OPRM1: variants seen among roughly 807,000 people sequenced by gnomAD.
The protein encoded by OPRM1 is mu-type opioid receptor.
Under a neutral mutation model 31.8 loss-of-function variants are expected in OPRM1, and 27 were observed. That is an observed-to-expected ratio of 0.85 (90% confidence interval 0.63 to 1.17). OPRM1 has a LOEUF of 1.17. Among genes scored for constraint, OPRM1 ranks in the 50% most tolerant of loss-of-function variants. The pLI is 0.00. For missense variants in OPRM1, 536 were observed against 511.1 expected, an observed-to-expected ratio of 1.05 and a Z score of -0.47; for synonymous variants, 196 against 189.9, an observed-to-expected ratio of 1.03 and a Z score of -0.26.
chr6:154,078,238 G>C (rs1188469021), intron 1 of OPRM1, among the ~76,000 whole-genome samples: 1 of 152,060 alleles, frequency 6.6e-6, no homozygotes, highest in Non-Finnish European at 1.5e-5. Context: ...TCACACTCTA[G>C]CCCTGTCCTC....
intron 3 of OPRM1, chr6:154,246,445 C>T (rs2128642676): frequency 1.1e-6 from 1 of 904,436 alleles, no homozygotes; most frequent in Non-Finnish European, 1.6e-6. Context: ...TCTACTGCAC[C>T]AGAAATGGCT....
chr6:154,126,597 C>T lies in OPRM1; in HGVS notation c.*7876C>T, dbSNP rs1035137229. 6.6e-6 allele frequency among the ~76,000 whole-genome samples: 1 copy of T among 152,092 alleles called. No individual in the cohort carries two copies. The highest frequency in any genetic ancestry group is 2.4e-5 in the African/African-American group (1 of 41,402). On this transcript the variant is annotated 3_prime_UTR_variant, in exon 4 of 4. Coordinates refer to ENST00000330432, the MANE Select transcript of OPRM1 (RefSeq NM_000914.5). ...GTATCTGGTTGTGGTGGCAATGTCACCACCCTACACTGCTGTGACACCGAA... is the reference window on the plus strand; with the variant it reads ...GTATCTGGTTGTGGTGGCAATGTCATCACCCTACACTGCTGTGACACCGAA...
At chr6:154,172,540 GCACA>G (rs1799959354) in intron 3 of OPRM1, among the ~76,000 whole-genome samples, 4 of 152,324 alleles carry the variant, frequency 2.6e-5, no homozygotes, top group African/African-American at 9.6e-5. Flanking sequence ...CTTGCTGCTA[GCACA>G]GCAGTCTGAG....
intron 3 of OPRM1, among the ~76,000 whole-genome samples, chr6:154,211,067 G>C (rs931214610): frequency 6.6e-6 from 1 of 152,168 alleles, no homozygotes; most frequent in Non-Finnish European, 1.5e-5. Flanking sequence ...ACTGTAACCT[G>C]TCAGAACTTG....
At chr6:154,233,934 C>T (rs749892786) in intron 3 of OPRM1, among the ~76,000 whole-genome samples, 8 of 152,128 alleles carry the variant, frequency 5.3e-5, no homozygotes, top group African/African-American at 7.2e-5. Context: ...CTAGGCCGGA[C>T]GCCGTGGCTC....
rs919358004 is a variant in OPRM1 at position 154,051,570 on chromosome 6, T to C, written c.290+11736T>C. Among the ~76,000 whole-genome samples the C allele has an allele frequency of 3.9e-5, 6 of 152,186 alleles. No individual in the cohort carries two copies. In the South Asian group the frequency reaches 6.2e-4, roughly 16 times the overall value. On this transcript the variant is annotated intron_variant, in intron 1 of 3. Transcript: ENST00000330432. ...AGTATTTATGCAACCAATAAGCATA[T>C]GAGAAAAAGCTCAACATCACAGATC...
intron 3 of OPRM1, among the ~76,000 whole-genome samples, chr6:154,222,697 A>G (rs1778962223): frequency 6.6e-6 from 1 of 152,182 alleles, no homozygotes; most frequent in Non-Finnish European, 1.5e-5. Context: ...TTGGATTTCA[A>G]TTAGATCAGA....
At chr6:154,152,232 A>G (rs1248284250) in intron 3 of OPRM1, among the ~76,000 whole-genome samples, 1 of 149,818 alleles carries the variant, frequency 6.7e-6, no homozygotes, top group African/African-American at 2.5e-5. Context: ...ACGAAAAAGA[A>G]AGAGAAAAGA....
chr6:154,128,184 G>A lies in OPRM1; in HGVS notation c.*9463G>A, dbSNP rs993558283. ...CATATAACTTCTGAATGGGCTGGGG[G>A]AAAATAACAATAAGAAAAACTGGTG... On this transcript the variant is annotated 3_prime_UTR_variant, in exon 4 of 4. Coordinates refer to ENST00000330432, the MANE Select transcript of OPRM1 (RefSeq NM_000914.5). Among the ~76,000 whole-genome samples the A allele has an allele frequency of 6.6e-6, 1 of 152,156 alleles. No individual in the cohort carries two copies. The highest frequency in any genetic ancestry group is 2.4e-5 in the African/African-American group (1 of 41,442).
intron 3 of OPRM1, among the ~76,000 whole-genome samples, chr6:154,145,010 C>T (rs1470109642): frequency 6.6e-6 from 1 of 151,968 alleles, no homozygotes; most frequent in Admixed American, 6.6e-5. Context: ...AATATATATA[C>T]CAAAAAACTA....
intron 3 of OPRM1, chr6:154,093,270 T>G: frequency 6.2e-7 from 1 of 1,611,520 alleles, no homozygotes; most frequent in Non-Finnish European, 8.5e-7. Context: ...TCTCCTTTAG[T>G]GCCTACCTAT....
At chr6:154,221,151 G>A (rs1237390885) in intron 3 of OPRM1, 1 of 788,018 alleles carries the variant, frequency 1.3e-6, no homozygotes, top group African/African-American at 1.8e-5. Flanking sequence ...TAAAGTAACA[G>A]AAATAAAATA....
At chr6:154,225,936 G>C (rs1260426068) in intron 3 of OPRM1, among the ~76,000 whole-genome samples, 3 of 152,110 alleles carry the variant, frequency 2.0e-5, no homozygotes, top group Non-Finnish European at 4.4e-5. Flanking sequence ...ACTGTTTTTA[G>C]TCCTCCCTTA....
Position 154,091,043 on chromosome 6 carries a change from G to A in OPRM1, c.735G>A (p.Met245Ile), listed in dbSNP as rs1416806374. ...KICVFIFAFI[M>I]PVLIITVCYG... is the part of the protein sequence containing the mutation. ...GTGTTTTCATCTTCGCCTTCATTAT[G>A]CCAGTGCTCATCATTACCGTGTGCT... The change falls in exon 3 of 4, where the codon ATG becomes ATA. Residue 245 changes from methionine to isoleucine, a missense_variant. By Grantham distance (10) the Met-to-Ile change is conservative. Coordinates refer to ENST00000330432, the MANE Select transcript of OPRM1 (RefSeq NM_000914.5). The A allele has an allele frequency of 6.2e-7, 1 of 1,614,134 alleles. No individual in the cohort carries two copies. Among genetic ancestry groups the A allele is most frequent in the Non-Finnish European group, 8.5e-7 (1 of 1,180,016 alleles).
chr6:154,066,350 A>AT (rs570999510), intron 1 of OPRM1, among the ~76,000 whole-genome samples: 38 of 151,908 alleles, frequency 2.5e-4, no homozygotes, highest in Non-Finnish European at 4.3e-4. Context: ...TTGGTATTTG[A>AT]TTTTTTTTAA....
intron 1 of OPRM1, among the ~76,000 whole-genome samples, chr6:154,042,812 C>T (rs1036724451): frequency 6.6e-6 from 1 of 151,922 alleles, no homozygotes; most frequent in Non-Finnish European, 1.5e-5. Flanking sequence ...AAAAATAATG[C>T]TTGGAGAATA....
intron 3 of OPRM1, among the ~76,000 whole-genome samples, chr6:154,195,849 T>G (rs1157525020): frequency 6.7e-6 from 1 of 150,020 alleles, no homozygotes; most frequent in African/African-American, 2.5e-5. Context: ...TGGGGTGCAG[T>G]GGTGCAATCT....
Position 154,168,281 on chromosome 6 carries a change from C to T in OPRM1, c.1164+76809C>T, listed in dbSNP as rs9479772. Among the ~76,000 whole-genome samples the T allele has an allele frequency of 0.43, 65,830 of 151,960 alleles. 14,599 individuals carry two copies. Among genetic ancestry groups the T allele is most frequent in the Middle Eastern group, 0.55 (161 of 294 alleles). On this transcript the variant is annotated intron_variant, in intron 3 of 3. Transcript: ENST00000337049. This position sits in a 1 kb window ranked among gnomAD's most constrained non-coding sequence, Gnocchi z 4.1. ...TTTGCTGTCTAAGCCACCCAGTTTG[C>T]GATACTTTGTTACTGCAGAGCCACG...
chr6:154,091,347 C>A lies in OPRM1; in HGVS notation c.1039C>A (p.Arg347=), dbSNP rs200512398. 2 of 1,614,156 alleles carry A rather than the reference C, an allele frequency of 1.2e-6. No individual in the cohort carries two copies. The highest frequency in any genetic ancestry group is 2.2e-5 in the East Asian group (1 of 44,890). The change falls in exon 3 of 4, where the codon CGA becomes AGA. Residue 347 remains arginine (R), a synonymous_variant. Coordinates refer to ENST00000330432, the MANE Select transcript of OPRM1 (RefSeq NM_000914.5). ...TGCATTTCTGGATGAAAACTTCAAA[C>A]GATGCTTCAGAGAGTTCTGTATCCC... ...LYAFLDENFK[R]CFREFCIPTS...
Sources: gnomAD v4.1 joint callset for allele counts (sites outside exome capture counted in the v4.1 genomes callset) on GRCh38, gnomAD v4.1.1 for gene constraint, Gnocchi (gnomAD v3.1) non-coding constraint, MANE v1.5 for transcripts, NCBI Gene and HGNC (gene_info 2026-07-23, HGNC 2026-07-21) for gene names.